The following CNTNAP2 variants were observed in gnomAD, a reference collection of about 807,000 sequenced individuals.
CNTNAP2 encodes the protein contactin-associated protein-like 2.
In CNTNAP2, 98 loss-of-function variants were observed where a neutral mutation model predicts 155.2. The observed-to-expected ratio is 0.63, with a 90% CI of 0.54 to 0.75. The LOEUF is 0.75. CNTNAP2 is among the 30% of genes least tolerant of loss of function. CNTNAP2 has a pLI of 0.00. For synonymous variants in CNTNAP2, 651 were observed against 631.2 expected, an observed-to-expected ratio of 1.03 and a Z score of -0.47; for missense variants, 1,727 against 1,688.1, an observed-to-expected ratio of 1.02 and a Z score of -0.40.
At chr7:147,506,182 A>G (rs1798902553) in intron 11 of CNTNAP2, among the ~76,000 whole-genome samples, 1 of 152,210 alleles carries the variant, frequency 6.6e-6, no homozygotes, top group Admixed American at 6.5e-5. Flanking sequence ...AGACCCATCA[A>G]TATGAGGAAA....
At chr7:147,183,737 T>C (rs1802512340) in intron 8 of CNTNAP2, among the ~76,000 whole-genome samples, 1 of 152,142 alleles carries the variant, frequency 6.6e-6, no homozygotes, top group African/African-American at 2.4e-5. Flanking sequence ...CCCTTCTCTG[T>C]CACAGACTGA....
intron 3 of CNTNAP2, among the ~76,000 whole-genome samples, chr7:146,977,318 A>T (rs906726101): frequency 6.6e-6 from 1 of 152,172 alleles, no homozygotes; most frequent in Non-Finnish European, 1.5e-5. Flanking sequence ...GGAGACATAA[A>T]GATACCATAT....
chr7:146,644,829 G>A (rs1298599462), intron 1 of CNTNAP2, among the ~76,000 whole-genome samples: 1 of 152,092 alleles, frequency 6.6e-6, no homozygotes, highest in Non-Finnish European at 1.5e-5. Context: ...TGAAATTGTG[G>A]CAATAATCAG....
intron 1 of CNTNAP2, among the ~76,000 whole-genome samples, chr7:146,128,576 C>T (rs1274594575): frequency 6.6e-6 from 1 of 152,092 alleles, no homozygotes; most frequent in Admixed American, 6.5e-5. Context: ...AGATAGCCAA[C>T]TAATACCTTG....
intron 8 of CNTNAP2, among the ~76,000 whole-genome samples, chr7:147,134,724 T>C (rs1801444849): frequency 6.6e-6 from 1 of 151,978 alleles, no homozygotes; most frequent in South Asian, 2.1e-4. Flanking sequence ...TGTAAATAAG[T>C]TAGTAAAGTG....
At chr7:147,568,362 T>G (rs903007959) in intron 12 of CNTNAP2, among the ~76,000 whole-genome samples, 1 of 152,212 alleles carries the variant, frequency 6.6e-6, no homozygotes, top group Non-Finnish European at 1.5e-5. Context: ...GTAGTTCTAC[T>G]ATGTAATTCT....
intron 13 of CNTNAP2, among the ~76,000 whole-genome samples, chr7:147,818,693 T>A (rs1395949863): frequency 1.3e-5 from 2 of 152,214 alleles, no homozygotes; most frequent in Admixed American, 6.5e-5. Flanking sequence ...AATTTAACAA[T>A]GCTAATTCTA....
chr7:147,925,206 GGAAA>G (rs1554450412), intron 14 of CNTNAP2, among the ~76,000 whole-genome samples: 1 of 122,730 alleles, frequency 8.1e-6, no homozygotes, highest in Non-Finnish European at 1.8e-5. Flanking sequence ...AAGGAAGGAA[GGAAA>G]GAAGGAGCAG....
intron 3 of CNTNAP2, among the ~76,000 whole-genome samples, chr7:146,941,104 A>G: frequency 6.6e-6 from 1 of 152,100 alleles, no homozygotes; most frequent in Non-Finnish European, 1.5e-5. Flanking sequence ...TAATTAATTT[A>G]CATTCAAAGT....
chr7:147,524,257 G>A (rs1288037667), intron 11 of CNTNAP2, among the ~76,000 whole-genome samples: 1 of 152,152 alleles, frequency 6.6e-6, no homozygotes, highest in Non-Finnish European at 1.5e-5. Flanking sequence ...GGGCATGGTG[G>A]TGCCTGCCTG....
intron 4 of CNTNAP2, among the ~76,000 whole-genome samples, chr7:147,045,454 C>G (rs1799339107): frequency 6.6e-6 from 1 of 152,134 alleles, no homozygotes; most frequent in Admixed American, 6.5e-5. Flanking sequence ...TATGTGCAAA[C>G]TACAATAAAG....
chr7:147,089,851 C>T lies in CNTNAP2; in HGVS notation c.551-18296C>T, dbSNP rs73469082. ...ACTTGAAGGTGTTCATATAAGCACC[C>T]GTCCTCACTCTGCACCAAAGGTGTC... On this transcript the variant is annotated intron_variant, in intron 4 of 23. Coordinates refer to ENST00000361727, the MANE Select transcript of CNTNAP2 (RefSeq NM_014141.6). Among the ~76,000 whole-genome samples, 934 of 152,222 alleles carry T rather than the reference C, an allele frequency of 6.1e-3. 9 individuals carry two copies. The highest frequency in any genetic ancestry group is 0.021 in the African/African-American group (884 of 41,546).
intron 23 of CNTNAP2, among the ~76,000 whole-genome samples, chr7:148,413,260 T>TG (rs1799885540): frequency 1.3e-5 from 2 of 150,460 alleles, no homozygotes; most frequent in Admixed American, 1.3e-4. Context: ...GGCGTACTGG[T>TG]GGGCGCCTGT....
At position 148,217,385 on chromosome 7, in the gene CNTNAP2, T is replaced by TC; in HGVS notation, c.3111dup (p.Asp1038ArgfsTer64). 1 of 1,613,932 alleles carries TC rather than the reference T, an allele frequency of 6.2e-7. No homozygotes were observed. Among genetic ancestry groups the TC allele is most frequent in the Non-Finnish European group, 8.5e-7 (1 of 1,179,990 alleles). ...ACTCCAGCAGCAGAGTAGACAACGC[T>TC]CCCGACCAGCAGAACTCCCACCCGG... On this transcript the variant is annotated frameshift_variant, in exon 19 of 24. Coordinates refer to ENST00000361727, the MANE Select transcript of CNTNAP2 (RefSeq NM_014141.6). LOFTEE classifies it high-confidence loss of function.
chr7:147,337,023 G>A (rs933674033), intron 9 of CNTNAP2, among the ~76,000 whole-genome samples: 5 of 152,068 alleles, frequency 3.3e-5, no homozygotes, highest in Non-Finnish European at 7.4e-5. Context: ...AGGAGATAGG[G>A]AAGATTATCA....
chr7:147,453,399 C>T (rs1475218992), intron 10 of CNTNAP2, among the ~76,000 whole-genome samples: 1 of 152,114 alleles, frequency 6.6e-6, no homozygotes, highest in African/African-American at 2.4e-5. Flanking sequence ...GTACCTGTTG[C>T]TGTAGTGATA....
intron 14 of CNTNAP2, among the ~76,000 whole-genome samples, chr7:147,915,340 G>T (rs1800140428): frequency 6.6e-6 from 1 of 152,118 alleles, no homozygotes; most frequent in Non-Finnish European, 1.5e-5. Flanking sequence ...TTTTTTCATT[G>T]ATCTGAGTTC....
intron 2 of CNTNAP2, among the ~76,000 whole-genome samples, chr7:146,825,417 C>T (rs1284442414): frequency 6.6e-6 from 1 of 151,928 alleles, no homozygotes; most frequent in Admixed American, 6.6e-5. Flanking sequence ...CAAGTGCCAG[C>T]CAAAGAGAAG....
intron 14 of CNTNAP2, among the ~76,000 whole-genome samples, chr7:147,938,317 C>T (rs1293180042): frequency 1.3e-5 from 2 of 152,000 alleles, no homozygotes; most frequent in South Asian, 2.1e-4. Flanking sequence ...CACTAAGCTA[C>T]AGTATTTAAA....
Sources: allele counts gnomAD v4.1 joint callset (sites outside exome capture counted in the v4.1 genomes callset), GRCh38; gene constraint gnomAD v4.1.1; transcripts MANE v1.5; gene names NCBI Gene and HGNC (gene_info 2026-07-23, HGNC 2026-07-21).